Variants in ELAPOR2 observed in about 807,000 individuals in gnomAD.
ELAPOR2 encodes the protein endosome/lysosome-associated apoptosis and autophagy regulator family member 2.
ELAPOR2 carries 89 observed loss-of-function variants against 120.7 expected under a neutral mutation model. The ratio of observed to expected loss-of-function variants is 0.74; its 90% CI spans 0.62 to 0.88. The LOEUF (loss-of-function observed/expected upper bound fraction) is 0.88, where lower values mean the gene tolerates loss of function less well. Among genes scored for constraint, ELAPOR2 ranks in the 40% least tolerant of loss-of-function variants. The pLI is 0.00. For synonymous variants in ELAPOR2, 444 were observed against 444.9 expected, an observed-to-expected ratio of 1.00 and a Z score of 0.03; for missense variants, 1,134 against 1,251.6, an observed-to-expected ratio of 0.91 and a Z score of 1.42.
chr7:86,976,956 A>G (rs539690069), intron 1 of ELAPOR2, among the ~76,000 whole-genome samples: 1 of 152,320 alleles, frequency 6.6e-6, no homozygotes, highest in South Asian at 2.1e-4. Context: ...ACTGCCCTGC[A>G]TAAGTTCTGT....
intron 18 of ELAPOR2, among the ~76,000 whole-genome samples, chr7:86,901,844 C>T (rs1584324896): frequency 6.6e-6 from 1 of 152,190 alleles, no homozygotes; most frequent in South Asian, 2.1e-4. Flanking sequence ...GAGAATCAGA[C>T]TTTCTCTGCT....
At chr7:86,963,247 C>T (rs918231229) in intron 2 of ELAPOR2, among the ~76,000 whole-genome samples, 1 of 152,094 alleles carries the variant, frequency 6.6e-6, no homozygotes, top group South Asian at 2.1e-4. Context: ...GTGTCATATT[C>T]CAAATGTTAT....
intron 1 of ELAPOR2, among the ~76,000 whole-genome samples, chr7:86,980,428 C>G (rs1254881223): frequency 6.6e-6 from 1 of 152,158 alleles, no homozygotes; most frequent in Non-Finnish European, 1.5e-5. Context: ...TCAGCACTTC[C>G]TATCTCAGCT....
intron 4 of ELAPOR2, among the ~76,000 whole-genome samples, chr7:86,942,463 T>G (rs960440418): frequency 2.8e-4 from 43 of 152,086 alleles, no homozygotes; most frequent in Non-Finnish European, 5.2e-4. Context: ...ATAGCTTGCA[T>G]TCACCATGCA....
chr7:86,911,471 T>C (rs1789305657), intron 15 of ELAPOR2, among the ~76,000 whole-genome samples: 1 of 152,144 alleles, frequency 6.6e-6, no homozygotes, highest in Non-Finnish European at 1.5e-5. Context: ...TCTGTAGGTA[T>C]ATACCTATAC....
chr7:86,976,593 A>G (rs1167492117), intron 1 of ELAPOR2, among the ~76,000 whole-genome samples: 1 of 152,192 alleles, frequency 6.6e-6, no homozygotes, highest in African/African-American at 2.4e-5. Flanking sequence ...AAACAGCCAA[A>G]GTTTTGAAAA....
In ELAPOR2 at chr7:86,906,696, G is replaced by A. The variant is rs375439468; in HGVS notation, c.2558+974C>T. On this transcript the variant is annotated intron_variant, in intron 18 of 21. Coordinates refer to ENST00000450689, the MANE Select transcript of ELAPOR2 (RefSeq NM_001142749.3). Reference sequence around the variant, plus strand: ...TAGAGAAAAAAAATCTGCAAATCAAGCTATGATCCAAAGGTATCTTAACTC... The same window carrying A: ...TAGAGAAAAAAAATCTGCAAATCAAACTATGATCCAAAGGTATCTTAACTC... Among the ~76,000 whole-genome samples, 8 of 151,914 alleles carry A rather than the reference G, an allele frequency of 5.3e-5. No homozygotes were observed. The East Asian group carries it at 5.8e-4, about 11-fold the overall frequency.
intron 1 of ELAPOR2, among the ~76,000 whole-genome samples, chr7:87,023,545 C>A (rs1016346480): frequency 1.3e-5 from 2 of 152,140 alleles, no homozygotes; most frequent in Non-Finnish European, 2.9e-5. Context: ...CTTGGCAATG[C>A]GGGCTCTTTT....
chr7:87,016,725 C>A (rs1293427311), intron 1 of ELAPOR2, among the ~76,000 whole-genome samples: 1 of 150,612 alleles, frequency 6.6e-6, no homozygotes. Flanking sequence ...TCTCTCTATA[C>A]CTGTAATCTC....
chr7:86,940,106 T>C lies in ELAPOR2; in HGVS notation c.751A>G (p.Lys251Glu). 2 of 1,609,270 alleles carry C rather than the reference T, an allele frequency of 1.2e-6. No homozygotes were observed. Among genetic ancestry groups the C allele is most frequent in the South Asian group, 1.1e-5 (1 of 90,818 alleles). ...CAGTAGAGTATGTTTGTGCCTGATTTCAGCATTACCTATAAAGAGAAACAT... is the reference window on the plus strand; with the variant it reads ...CAGTAGAGTATGTTTGTGCCTGATTCCAGCATTACCTATAAAGAGAAACAT... ...GEWGSHSVMLKSGTNILYWRT... is the reference protein window; with the variant it reads ...GEWGSHSVMLESGTNILYWRT... The change falls in exon 6 of 22, where the codon AAA becomes GAA. Residue 251 changes from lysine to glutamate, a missense_variant. By Grantham distance (56) the Lys-to-Glu change is moderately conservative. Transcript: ENST00000450689.
chr7:86,910,382 A>G lies in ELAPOR2; in HGVS notation c.2170-381T>C, dbSNP rs187008633. Among the ~76,000 whole-genome samples the G allele has an allele frequency of 2.3e-3, 349 of 152,290 alleles. 1 individual carries two copies. The highest frequency in any genetic ancestry group is 3.8e-3 in the Non-Finnish European group (257 of 67,976). ...CCAGAAAACTGCTGATGAAAGCTTC[A>G]GTGTCAAAGAAAAAGTGTTGGTCTT... On this transcript the variant is annotated intron_variant, in intron 15 of 21. Transcript: ENST00000450689.
intron 16 of ELAPOR2, 91 bp from the exon 17 acceptor site, chr7:86,908,634 A>C (rs1363694667): frequency 3.5e-6 from 2 of 577,434 alleles, no homozygotes; most frequent in South Asian, 2.4e-5. Context: ...AGCTTTAATG[A>C]CTGTCATTTT....
chr7:87,028,332 A>G (rs912363656), intron 1 of ELAPOR2, among the ~76,000 whole-genome samples: 7 of 152,084 alleles, frequency 4.6e-5, no homozygotes, highest in Admixed American at 1.3e-4. Context: ...CACTAGATCT[A>G]ACAACTGTGT....
chr7:86,916,990 G>A, intron 12 of ELAPOR2, among the ~76,000 whole-genome samples: 1 of 110,992 alleles, frequency 9.0e-6, no homozygotes, highest in East Asian at 2.7e-4. Context: ...TTTTTGGGTA[G>A]AGATGGGGTT....
At chr7:87,043,260 A>T (rs950671998) in intron 1 of ELAPOR2, among the ~76,000 whole-genome samples, 18 of 151,772 alleles carry the variant, frequency 1.2e-4, no homozygotes, top group African/African-American at 4.1e-4. Flanking sequence ...AACTCATTTT[A>T]TGAGGCCAGC....
intron 6 of ELAPOR2, among the ~76,000 whole-genome samples, chr7:86,939,588 G>A (rs1001863143): frequency 6.6e-6 from 1 of 152,094 alleles, no homozygotes; most frequent in Non-Finnish European, 1.5e-5. Context: ...GCTCAGAGAA[G>A]CATAAAAGGT....
intron 1 of ELAPOR2, among the ~76,000 whole-genome samples, chr7:87,050,643 G>T (rs1795073228): frequency 6.6e-6 from 1 of 152,148 alleles, no homozygotes; most frequent in Non-Finnish European, 1.5e-5. Context: ...ATACAGTCTT[G>T]TATTAATGAA....
At position 86,878,832 on chromosome 7, in the gene ELAPOR2, G is replaced by C. The variant is rs140109869; in HGVS notation, c.*1639C>G. On this transcript the variant is annotated 3_prime_UTR_variant, in exon 22 of 22. Coordinates refer to ENST00000450689, the MANE Select transcript of ELAPOR2 (RefSeq NM_001142749.3). ...AAAGTGACTCCCTCCCTGAATCCCA[G>C]AGCAAACAATGACAACCTCACCTAT... 8 of 152,238 alleles carry C rather than the reference G, an allele frequency of 5.3e-5. No individual in the cohort carries two copies. Among genetic ancestry groups the C allele is most frequent in the South Asian group, 4.1e-4 (2 of 4,822 alleles). 9.4% of individuals were successfully genotyped at this position (152,238 alleles called of 1,614,324 possible). A position where few individuals can be genotyped will look rare whatever the true frequency, so the allele number is the denominator to read the frequency against.
chr7:87,043,405 T>C (rs76523037), intron 1 of ELAPOR2, among the ~76,000 whole-genome samples: 2 of 151,024 alleles, frequency 1.3e-5, no homozygotes, highest in Non-Finnish European at 3.0e-5. Flanking sequence ...TCAAAAAGCT[T>C]ATCCACCATG....
Sources: gnomAD v4.1 joint callset for allele counts (sites outside exome capture counted in the v4.1 genomes callset) on GRCh38, gnomAD v4.1.1 for gene constraint, MANE v1.5 for transcripts, NCBI Gene and HGNC (gene_info 2026-07-23, HGNC 2026-07-21) for gene names.